Variants in PGAP4 observed in about 807,000 individuals in gnomAD.
PGAP4 encodes GPI-N-acetylgalactosamine transferase PGAP4.
In PGAP4, 12 loss-of-function variants were observed where a neutral mutation model predicts 28.2. The observed-to-expected ratio is 0.42, with a 90% CI of 0.27 to 0.69. The LOEUF (loss-of-function observed/expected upper bound fraction) is 0.69, where lower values mean the gene tolerates loss of function less well. Ranked by LOEUF, PGAP4 falls within the 30% of genes least tolerant of loss-of-function variation. The pLI, the probability that PGAP4 is intolerant of heterozygous loss-of-function variation, is 0.22. For missense variants in PGAP4, 425 were observed against 513.5 expected (o/e 0.83, Z 1.67); for synonymous variants, 205 against 211.8 (o/e 0.97, Z 0.28).
intron 2 of PGAP4, among the ~76,000 whole-genome samples, chr9:101,504,183 ATTTG>A (rs1168918800): frequency 5.5e-5 from 1 of 18,196 alleles, no homozygotes; most frequent in Non-Finnish European, 1.4e-4. Flanking sequence ...TCTGTTTTTT[ATTTG>A]TTTGTGTGTG....
At chr9:101,501,605 C>A in intron 2 of PGAP4, 1 of 458,694 alleles carries the variant, frequency 2.2e-6, no homozygotes, top group South Asian at 1.5e-5. Context: ...TTCTGGAAGA[C>A]CTTCATTCTA....
At chr9:101,492,338 G>A (rs935321000) in intron 2 of PGAP4, among the ~76,000 whole-genome samples, 19 of 151,898 alleles carry the variant, frequency 1.3e-4, no homozygotes, top group African/African-American at 4.6e-4. Flanking sequence ...GGACTAAGGC[G>A]CATACCACCA....
intron 2 of PGAP4, among the ~76,000 whole-genome samples, chr9:101,499,992 C>T (rs1588205954): frequency 1.3e-5 from 2 of 151,834 alleles, no homozygotes; most frequent in East Asian, 3.9e-4. Context: ...ATCTAATATA[C>T]AGCCCTTGTT....
intron 2 of PGAP4, chr9:101,501,919 G>T (rs1826805377): frequency 2.7e-6 from 1 of 374,998 alleles, no homozygotes; most frequent in African/African-American, 2.1e-5. Context: ...GGAAAGGAAA[G>T]AACCAGCGTC....
Position 101,506,659 on chromosome 9 carries a change from T to C in PGAP4, c.-164-17459A>G, listed in dbSNP as rs187281837. On this transcript the variant is annotated intron_variant, in intron 2 of 3. Coordinates refer to the PGAP4 transcript ENST00000374851. ...CCCCTGACTTAACCGAGAAACTCAG[T>C]GGCATATTGGCCATGTCTAATACTA... Among the ~76,000 whole-genome samples, 99 of 152,120 alleles carry C rather than the reference T, an allele frequency of 6.5e-4. 1 individual carries two copies. The highest frequency in any genetic ancestry group is 5.9e-4 in the Admixed American group (9 of 15,250).
chr9:101,520,009 T>C (rs555745088), intron 2 of PGAP4, among the ~76,000 whole-genome samples: 2 of 152,292 alleles, frequency 1.3e-5, no homozygotes, highest in South Asian at 2.1e-4. Context: ...TTGTTTGCTT[T>C]GTTGAAGATA....
At chr9:101,525,473 G>A (rs188108818) in intron 2 of PGAP4, among the ~76,000 whole-genome samples, 2 of 151,922 alleles carry the variant, frequency 1.3e-5, no homozygotes, top group South Asian at 2.1e-4. Flanking sequence ...TGGGGAGGCC[G>A]AGGTGGGCAG....
chr9:101,504,209 GTTTTTTTTTTT>G (rs3081858), intron 2 of PGAP4, among the ~76,000 whole-genome samples: 13 of 22,712 alleles, frequency 5.7e-4, no homozygotes, highest in East Asian at 1.9e-3. Context: ...GTGTGTGTTT[GTTTTTTTTTTT>G]TTTTTTTTTT....
rs1294123186 is a variant in PGAP4 at position 101,500,528 on chromosome 9, T to C, written c.-164-11328A>G. ...CTTAATTTAATCACATTTGCAAGAC[T>C]TGTTTTTTTTTTTTTACTATGTATG... On this transcript the variant is annotated intron_variant, in intron 2 of 3. Coordinates refer to the PGAP4 transcript ENST00000374851. Among the ~76,000 whole-genome samples, 3 of 143,910 alleles carry C rather than the reference T, an allele frequency of 2.1e-5. No individual in the cohort carries two copies. The East Asian group carries it at 6.2e-4, about 30-fold the overall frequency. 94.4% of individuals were successfully genotyped at this position (143,910 alleles called of 152,430 possible).
chr9:101,499,378 T>C (rs1185836871), intron 2 of PGAP4, among the ~76,000 whole-genome samples: 1 of 151,874 alleles, frequency 6.6e-6, no homozygotes, highest in East Asian at 1.9e-4. Flanking sequence ...ATATCATATA[T>C]GTCAACCTAA....
chr9:101,480,167 G>T (rs977297635), intron 1 of PGAP4, among the ~76,000 whole-genome samples: 1 of 152,038 alleles, frequency 6.6e-6, no homozygotes, highest in Admixed American at 6.6e-5. Flanking sequence ...TTAAGACCCG[G>T]CCCCCAACCC....
chr9:101,491,557 C>A (rs1448313754), upstream of PGAP4, among the ~76,000 whole-genome samples: 1 of 151,920 alleles, frequency 6.6e-6, no homozygotes, highest in Non-Finnish European at 1.5e-5. Context: ...TCACATCTAC[C>A]AGACAGGTCA....
At chr9:101,533,539 C>A (rs554086036), upstream of PGAP4, 1 of 152,288 alleles carries the variant, frequency 6.6e-6, no homozygotes, top group Non-Finnish European at 1.5e-5. Context: ...GTGATGGCAA[C>A]CCCAATGACA....
intron 1 of PGAP4, among the ~76,000 whole-genome samples, chr9:101,532,378 A>G (rs1048586643): frequency 6.6e-6 from 1 of 152,168 alleles, no homozygotes; most frequent in Non-Finnish European, 1.5e-5. Flanking sequence ...TTTTTTAGAG[A>G]AACTGATAAT....
chr9:101,501,963 G>A, intron 2 of PGAP4: 2 of 295,616 alleles, frequency 6.8e-6, no homozygotes, highest in Non-Finnish European at 1.3e-5. Context: ...GTATCTGCTG[G>A]ATAATAACTT....
chr9:101,511,479 A>C (rs1826897989), intron 2 of PGAP4, among the ~76,000 whole-genome samples: 1 of 152,232 alleles, frequency 6.6e-6, no homozygotes, highest in Non-Finnish European at 1.5e-5. Flanking sequence ...GCTTCTAAGC[A>C]TGAAAAAGAA....
At chr9:101,523,261 C>A (rs1448728550) in intron 2 of PGAP4, among the ~76,000 whole-genome samples, 1 of 152,112 alleles carries the variant, frequency 6.6e-6, no homozygotes, top group Non-Finnish European at 1.5e-5. Flanking sequence ...TCTAGCAAGG[C>A]CAGGAAAGTT....
rs577419712 is a variant in PGAP4 at position 101,512,691 on chromosome 9, A to G, written c.-165+18657T>C. Reference sequence around the variant, plus strand: ...CTTCTATCTATTAACAATAACAACAACAACAACAATAATACACATTGTTAA... The same window carrying G: ...CTTCTATCTATTAACAATAACAACAGCAACAACAATAATACACATTGTTAA... On this transcript the variant is annotated intron_variant, in intron 2 of 3. Coordinates refer to the PGAP4 transcript ENST00000374851. Among the ~76,000 whole-genome samples, 3 of 152,302 alleles carry G rather than the reference A, an allele frequency of 2.0e-5. No homozygotes were observed. In the South Asian group the frequency reaches 6.2e-4, roughly 32 times the overall value.
chr9:101,532,994 C>A (rs1827119133), exon 1 of PGAP4: 1 of 152,028 alleles, frequency 6.6e-6, no homozygotes, highest in South Asian at 2.1e-4. Context: ...CATAGTTCTG[C>A]GAGACATACA....
Sources: allele counts gnomAD v4.1 joint callset (sites outside exome capture counted in the v4.1 genomes callset), GRCh38; gene constraint gnomAD v4.1.1; transcripts MANE v1.5; gene names NCBI Gene and HGNC (gene_info 2026-07-23, HGNC 2026-07-21).